ROBO2: variants seen among roughly 807,000 people sequenced by gnomAD.
ROBO2 encodes roundabout homolog 2.
ROBO2 carries 53 observed loss-of-function variants against 160.8 expected under a neutral mutation model. The observed-to-expected ratio is 0.33, with a 90% CI of 0.26 to 0.41. ROBO2 has a LOEUF of 0.41. Ranked by LOEUF, ROBO2 falls within the 10% of genes least tolerant of loss-of-function variation. The pLI, the probability that ROBO2 is intolerant of heterozygous loss-of-function variation, is 1.00. For missense variants in ROBO2, 1,577 were observed against 1,722.4 expected (o/e 0.92, Z 1.49); for synonymous variants, 664 against 611.7 (o/e 1.09, Z -1.26).
At chr3:76,223,404 A>C (rs71195255) in intron 2 of ROBO2, among the ~76,000 whole-genome samples, 16,073 of 151,790 alleles carry the variant, frequency 0.11, 1,092 homozygotes, top group African/African-American at 0.19. Context: ...TAGGGAGGCC[A>C]CTTTCACCCA....
At chr3:76,213,387 T>A (rs1165894207) in intron 2 of ROBO2, among the ~76,000 whole-genome samples, 1 of 152,160 alleles carries the variant, frequency 6.6e-6, no homozygotes, top group African/African-American at 2.4e-5. Context: ...TATGGGAAAT[T>A]CCTTTTAAAA....
At chr3:77,256,304 ATTTAT>A (rs1191626231) in intron 2 of ROBO2, among the ~76,000 whole-genome samples, 1 of 152,218 alleles carries the variant, frequency 6.6e-6, no homozygotes, top group African/African-American at 2.4e-5. Context: ...TGTAGTCATC[ATTTAT>A]TTTATTTTTT....
chr3:76,565,902 T>C (rs897593774), intron 2 of ROBO2, among the ~76,000 whole-genome samples: 2 of 152,130 alleles, frequency 1.3e-5, no homozygotes, highest in Non-Finnish European at 2.9e-5. Flanking sequence ...TCTCAGGTCA[T>C]AGTAAAATGA....
chr3:76,215,487 C>T (rs1703450371), intron 2 of ROBO2, among the ~76,000 whole-genome samples: 1 of 152,188 alleles, frequency 6.6e-6, no homozygotes. Context: ...AGCTAAAAAT[C>T]AGGGCACGGG....
chr3:75,973,256 A>G (rs2065045470), intron 2 of ROBO2, among the ~76,000 whole-genome samples: 1 of 151,734 alleles, frequency 6.6e-6, no homozygotes, highest in Non-Finnish European at 1.5e-5. Context: ...AATTATAAAA[A>G]TGACAAAAAT....
chr3:76,077,213 T>C lies in ROBO2; in HGVS notation c.109+139611T>C, dbSNP rs552422167. On this transcript the variant is annotated intron_variant, in intron 2 of 26. Transcript: ENST00000487694. Reference sequence around the variant, plus strand: ...CATAATGTGTAGAAAAGCAAAACAGTGTGCAACTAGGGATTGGGGAATTTG... The same window carrying C: ...CATAATGTGTAGAAAAGCAAAACAGCGTGCAACTAGGGATTGGGGAATTTG... Among the ~76,000 whole-genome samples, 29 of 152,294 alleles carry C rather than the reference T, an allele frequency of 1.9e-4. 1 individual carries two copies. The South Asian group carries it at 5.8e-3, about 30-fold the overall frequency.
chr3:76,675,929 A>G (rs1035625920), intron 2 of ROBO2, among the ~76,000 whole-genome samples: 1 of 152,262 alleles, frequency 6.6e-6, no homozygotes, highest in South Asian at 2.1e-4. Flanking sequence ...AAAGTATACT[A>G]AGATTTTTTT....
chr3:76,210,861 A>G (rs1283478221), intron 2 of ROBO2, among the ~76,000 whole-genome samples: 1 of 152,108 alleles, frequency 6.6e-6, no homozygotes, highest in East Asian at 1.9e-4. Context: ...ACTTACTACA[A>G]TTATTAAATC....
At chr3:76,893,330 G>A (rs76149400) in intron 2 of ROBO2, among the ~76,000 whole-genome samples, 38 of 132,826 alleles carry the variant, frequency 2.9e-4, no homozygotes, top group African/African-American at 8.8e-4. Flanking sequence ...ACACACACAC[G>A]CACTACACTG....
intron 2 of ROBO2, among the ~76,000 whole-genome samples, chr3:76,802,102 G>A (rs1194420609): frequency 2.0e-5 from 3 of 152,016 alleles, no homozygotes; most frequent in East Asian, 3.9e-4. Flanking sequence ...CATAATAAAC[G>A]AATACTAATA....
intron 2 of ROBO2, among the ~76,000 whole-genome samples, chr3:76,222,999 C>A (rs1704066817): frequency 6.6e-6 from 1 of 151,998 alleles, no homozygotes; most frequent in African/African-American, 2.4e-5. Context: ...AGGTTATCTG[C>A]CCGCCTCAGC....
intron 2 of ROBO2, among the ~76,000 whole-genome samples, chr3:77,180,406 CTCTCTCTCTCTA>C (rs1196938814): frequency 9.6e-5 from 10 of 104,100 alleles, no homozygotes; most frequent in African/African-American, 1.3e-4. Context: ...CTCTCTCTCT[CTCTCTCTCTCTA>C]TATATATATA....
chr3:77,082,207 G>A (rs77248062), intron 1 of ROBO2, among the ~76,000 whole-genome samples: 7,131 of 152,258 alleles, frequency 0.047, 538 homozygotes, highest in African/African-American at 0.16. Flanking sequence ...AAGAAAAATT[G>A]CTAACATTTG....
At chr3:77,397,655 A>G (rs9866680) in intron 2 of ROBO2, among the ~76,000 whole-genome samples, 20,629 of 152,166 alleles carry the variant, frequency 0.14, 1,543 homozygotes, top group East Asian at 0.28. Context: ...TGTGTATGCT[A>G]TCTTCCTGTA....
chr3:76,534,511 T>C (rs1642961217), intron 2 of ROBO2, among the ~76,000 whole-genome samples: 1 of 152,154 alleles, frequency 6.6e-6, no homozygotes, highest in South Asian at 2.1e-4. Flanking sequence ...AGAAGTTCCA[T>C]AGTTCTGATT....
chr3:77,634,587 A>T (rs1300544144), intron 23 of ROBO2: 4 of 399,308 alleles, frequency 1.0e-5, no homozygotes, highest in African/African-American at 2.0e-5. Context: ...TAAAAGTATA[A>T]TCATGCAATA....
intron 2 of ROBO2, among the ~76,000 whole-genome samples, chr3:76,411,756 G>C (rs2075497408): frequency 6.6e-6 from 1 of 152,124 alleles, no homozygotes; most frequent in Non-Finnish European, 1.5e-5. Flanking sequence ...TAAGCCTAAA[G>C]TGTTTAACTC....
chr3:76,769,115 A>G (rs2061735932), intron 2 of ROBO2, among the ~76,000 whole-genome samples: 1 of 151,500 alleles, frequency 6.6e-6, no homozygotes, highest in South Asian at 2.1e-4. Flanking sequence ...AACACCTAGC[A>G]ACCACACAAG....
chr3:77,126,882 G>A (rs933755104), intron 2 of ROBO2, among the ~76,000 whole-genome samples: 2 of 144,560 alleles, frequency 1.4e-5, no homozygotes, highest in African/African-American at 5.2e-5. Flanking sequence ...TCCGCCTCCC[G>A]GGTTCACGCC....
Sources: allele counts gnomAD v4.1 joint callset (sites outside exome capture counted in the v4.1 genomes callset), GRCh38; gene constraint gnomAD v4.1.1; transcripts MANE v1.5; gene names NCBI Gene and HGNC (gene_info 2026-07-23, HGNC 2026-07-21).